The following GABRP variants were observed in gnomAD, a reference collection of about 807,000 sequenced individuals.
GABRP encodes gamma-aminobutyric acid receptor subunit pi.
In GABRP, 52 loss-of-function variants were observed where a neutral mutation model predicts 47.8. That is an observed-to-expected ratio of 1.09 (90% CI 0.87 to 1.37). The LOEUF is 1.37. GABRP is among the 40% of genes most tolerant of loss of function. GABRP has a pLI of 0.00. For synonymous variants in GABRP, 221 were observed against 205.8 expected, an observed-to-expected ratio of 1.07 and a Z score of -0.63; for missense variants, 525 against 542.8, an observed-to-expected ratio of 0.97 and a Z score of 0.33.
intron 6 of GABRP, among the ~76,000 whole-genome samples, chr5:170,798,080 C>T (rs139102051): frequency 0.043 from 6,546 of 152,328 alleles, 484 homozygotes; most frequent in African/African-American, 0.15. Context: ...CTCGCTCTGT[C>T]GCCCAAGCTG....
In GABRP at chr5:170,812,291, TTCAACAGGACA is replaced by T; in HGVS notation, c.*34_*44del. ...TTAAATTTCTTGCATGCCATAGGTC[TTCAACAGGACA>T]AGATAATGATGTAAATGGTATTTTA... On this transcript the variant is annotated 3_prime_UTR_variant, in exon 10 of 10. Coordinates refer to ENST00000265294, the MANE Select transcript of GABRP (RefSeq NM_014211.3). 2.6e-6 allele frequency: 4 copies of T among 1,538,142 alleles called. No homozygotes were observed. The highest frequency in any genetic ancestry group is 3.6e-6 in the Non-Finnish European group (4 of 1,118,750).
chr5:170,802,309 G>A (rs1176918877), intron 6 of GABRP, among the ~76,000 whole-genome samples: 1 of 152,180 alleles, frequency 6.6e-6, no homozygotes, highest in Non-Finnish European at 1.5e-5. Flanking sequence ...ATCAAGGTGG[G>A]GCTTGTGTGT....
intron 8 of GABRP, among the ~76,000 whole-genome samples, chr5:170,809,106 T>C (rs1765815343): frequency 6.6e-6 from 1 of 152,118 alleles, no homozygotes; most frequent in East Asian, 1.9e-4. Flanking sequence ...CCAACTTATT[T>C]TTGTATTTTT....
At chr5:170,808,123 A>C (rs1424768015) in intron 7 of GABRP, among the ~76,000 whole-genome samples, 1 of 152,174 alleles carries the variant, frequency 6.6e-6, no homozygotes, top group African/African-American at 2.4e-5. Context: ...GATGGCCCTG[A>C]AGTAGTATAA....
intron 3 of GABRP, among the ~76,000 whole-genome samples, chr5:170,789,448 TA>T (rs1390241613): frequency 6.6e-6 from 1 of 152,174 alleles, no homozygotes; most frequent in East Asian, 1.9e-4. Flanking sequence ...ACCTGCAAGA[TA>T]AAGGAATGCT....
At chr5:170,806,431 C>G (rs1398745723) in intron 7 of GABRP, among the ~76,000 whole-genome samples, 1 of 148,550 alleles carries the variant, frequency 6.7e-6, no homozygotes, top group South Asian at 2.1e-4. Context: ...ATATTTGCAC[C>G]CTAAAAAATT....
intron 7 of GABRP, 63 bp downstream of exon 7, chr5:170,805,916 T>C: frequency 6.4e-7 from 1 of 1,565,722 alleles, no homozygotes; most frequent in Non-Finnish European, 8.7e-7. Context: ...GGTTGCTCTC[T>C]GAGTCAGAAA....
At chr5:170,791,133 C>T (rs1765254534) in intron 3 of GABRP, among the ~76,000 whole-genome samples, 2 of 152,216 alleles carry the variant, frequency 1.3e-5, no homozygotes, top group Admixed American at 1.3e-4. Context: ...TGTTTGCCTA[C>T]TCACTGGCCA....
intron 6 of GABRP, 72 bp from the exon 7 acceptor site, chr5:170,805,644 A>G (rs939733180): frequency 4.2e-5 from 64 of 1,527,654 alleles, no homozygotes; most frequent in Non-Finnish European, 5.6e-5. Context: ...TCCATATTAT[A>G]GCATTTTCCA....
In GABRP at chr5:170,794,248, G is replaced by A. The variant is rs1476579248; in HGVS notation, c.190G>A (p.Ala64Thr). 4.3e-6 allele frequency: 7 copies of A among 1,611,538 alleles called. No individual in the cohort carries two copies. Among genetic ancestry groups the A allele is most frequent in the African/African-American group, 1.3e-5 (1 of 74,798 alleles). The change falls in exon 4 of 10, where the codon GCG becomes ACG. Residue 64 changes from alanine to threonine, a missense_variant. Transcript: ENST00000265294. The part of the protein sequence containing the change: ...PNFGGEPVQI[A>T]LTLDIASISS... Reference sequence around the variant, plus strand: ...TATCTTAGGAGAACCCGTACAGATAGCGCTGACTCTGGACATTGCAAGTAT... The same window carrying A: ...TATCTTAGGAGAACCCGTACAGATAACGCTGACTCTGGACATTGCAAGTAT...
chr5:170,788,563 C>T lies in GABRP; in HGVS notation c.-42-11C>T. On this transcript the variant is annotated splice_polypyrimidine_tract_variant and intron_variant, in intron 1 of 9. Transcript: ENST00000265294. ...CACGGCCTTCCACTTACCTTGCCCC[C>T]TGTTTCCCAGGTGATTCCTACTTCA... 10 of 1,595,178 alleles carry T rather than the reference C, an allele frequency of 6.3e-6. No individual in the cohort carries two copies. The highest frequency in any genetic ancestry group is 7.7e-6 in the Non-Finnish European group (9 of 1,163,314).
intron 8 of GABRP, 125 bp from the exon 9 acceptor site, chr5:170,809,443 T>G: frequency 5.8e-5 from 49 of 848,710 alleles, no homozygotes; most frequent in East Asian, 7.3e-5. Context: ...CTTTTCAAAA[T>G]GAGATGCATT....
At chr5:170,788,450 A>G (rs1031918831) in intron 1 of GABRP, 124 bp from the exon 2 acceptor site, 1 of 624,146 alleles carries the variant, frequency 1.6e-6, no homozygotes, top group Non-Finnish European at 2.9e-6. Flanking sequence ...AAGGTATGGA[A>G]AGAGGCTGCT....
chr5:170,791,302 G>A (rs1247480600), intron 3 of GABRP, among the ~76,000 whole-genome samples: 2 of 152,216 alleles, frequency 1.3e-5, no homozygotes, highest in African/African-American at 4.8e-5. Context: ...CCCTTGTTTT[G>A]TGCCTCTTGG....
chr5:170,798,096 T>C (rs6888765), intron 6 of GABRP, among the ~76,000 whole-genome samples: 79,715 of 152,170 alleles, frequency 0.52, 23,437 homozygotes, highest in African/African-American at 0.81. Context: ...AGCTGGACTG[T>C]GGTGGCGCGA....
At chr5:170,807,231 A>T (rs1043936683) in intron 7 of GABRP, among the ~76,000 whole-genome samples, 1 of 152,212 alleles carries the variant, frequency 6.6e-6, no homozygotes, top group African/African-American at 2.4e-5. Flanking sequence ...TACAGACATG[A>T]GCCACCAAGC....
intron 6 of GABRP, among the ~76,000 whole-genome samples, chr5:170,798,490 C>CAA (rs1030838629): frequency 6.6e-6 from 1 of 152,106 alleles, no homozygotes; most frequent in African/African-American, 2.4e-5. Context: ...ATTTCGGTGA[C>CAA]AACAAATATA....
In GABRP at chr5:170,808,603, A is replaced by G. The variant is rs1193512057; in HGVS notation, c.683A>G (p.Asn228Ser). The change falls in exon 8 of 10, where the codon AAT becomes AGT. Residue 228 changes from asparagine (N) to serine (S), a missense_variant. Coordinates refer to ENST00000265294, the MANE Select transcript of GABRP (RefSeq NM_014211.3). Reference protein sequence around the residue: ...LVTRSQQETGNYTRLVLQFEL... With the variant: ...LVTRSQQETGSYTRLVLQFEL... Reference sequence around the variant, plus strand: ...TATCTGTTGTTTACCCTTTCAGGAAATTACACTAGATTGGTCTTACAGTTT... The same window carrying G: ...TATCTGTTGTTTACCCTTTCAGGAAGTTACACTAGATTGGTCTTACAGTTT... 8 of 1,613,326 alleles carry G rather than the reference A, an allele frequency of 5.0e-6. No individual in the cohort carries two copies. The highest frequency in any genetic ancestry group is 6.8e-6 in the Non-Finnish European group (8 of 1,179,696).
At chr5:170,786,461 T>A (rs996375336) in intron 1 of GABRP, among the ~76,000 whole-genome samples, 1 of 152,212 alleles carries the variant, frequency 6.6e-6, no homozygotes, top group African/African-American at 2.4e-5. Flanking sequence ...AGAAGATGTG[T>A]TCTAGAAATG....
Sources: allele counts gnomAD v4.1 joint callset (sites outside exome capture counted in the v4.1 genomes callset), GRCh38; gene constraint gnomAD v4.1.1; transcripts MANE v1.5; gene names NCBI Gene and HGNC (gene_info 2026-07-23, HGNC 2026-07-21).